Variants in USH2A observed in about 807,000 individuals in gnomAD.
The protein encoded by USH2A is Usher syndrome 2A (autosomal recessive, mild).
USH2A carries 443 observed loss-of-function variants against 538.9 expected under a neutral mutation model. The ratio of observed to expected loss-of-function variants is 0.82; its 90% confidence interval spans 0.76 to 0.89. The LOEUF (loss-of-function observed/expected upper bound fraction) is 0.89, where lower values mean the gene tolerates loss of function less well. USH2A is among the 40% of genes least tolerant of loss of function. The pLI, the probability that USH2A is intolerant of heterozygous loss-of-function variation, is 0.00. For synonymous variants in USH2A, 2,413 were observed against 2,273.5 expected, an observed-to-expected ratio of 1.06 and a Z score of -1.75; for missense variants, 6,633 against 6,324.8, an observed-to-expected ratio of 1.05 and a Z score of -1.65.
At chr1:216,147,764 G>A (rs1214086786) in intron 21 of USH2A, among the ~76,000 whole-genome samples, 6 of 150,598 alleles carry the variant, frequency 4.0e-5, no homozygotes, top group East Asian at 2.0e-4. Flanking sequence ...ACTTCCAAAC[G>A]CCTGAACCGC....
chr1:216,038,816 T>C lies in USH2A; in HGVS notation c.6325+7615A>G, dbSNP rs1293993243. 2.0e-5 allele frequency among the ~76,000 whole-genome samples: 3 copies of C among 152,078 alleles called. No individual in the cohort carries two copies. In the East Asian group the frequency reaches 5.8e-4, roughly 29 times the overall value. On this transcript the variant is annotated intron_variant, in intron 32 of 71. Transcript: ENST00000307340. Reference sequence around the variant, plus strand: ...GAAAATAACAGGACACCTCTATTTGTAACACTTTCAACTGAAGGACATATT... The same window carrying C: ...GAAAATAACAGGACACCTCTATTTGCAACACTTTCAACTGAAGGACATATT...
At chr1:215,877,333 C>T (rs895133782) in intron 43 of USH2A, among the ~76,000 whole-genome samples, 4 of 152,144 alleles carry the variant, frequency 2.6e-5, no homozygotes, top group East Asian at 1.9e-4. Flanking sequence ...TTTTCTTTTG[C>T]GGACTGAATC....
chr1:216,145,757 C>T (rs905328847), intron 21 of USH2A, among the ~76,000 whole-genome samples: 2 of 152,150 alleles, frequency 1.3e-5, no homozygotes, highest in African/African-American at 4.8e-5. Flanking sequence ...GTGTAAATGG[C>T]CAGTCCTTGC....
chr1:216,403,988 C>T (rs1168415744), intron 3 of USH2A, among the ~76,000 whole-genome samples: 2 of 152,150 alleles, frequency 1.3e-5, no homozygotes, highest in African/African-American at 4.8e-5. Context: ...CACCTTCCAC[C>T]ATGATTGTAA....
chr1:216,174,860 G>GT, intron 21 of USH2A: 1 of 1,037,736 alleles, frequency 9.6e-7, no homozygotes, highest in Non-Finnish European at 1.2e-6. Flanking sequence ...GCTTTTTGGA[G>GT]TTTCAGTAAC....
At chr1:215,967,748 C>CAAAA (rs112172077) in intron 36 of USH2A, among the ~76,000 whole-genome samples, 5,722 of 143,952 alleles carry the variant, frequency 0.04, 108 homozygotes, top group Middle Eastern at 0.05. Flanking sequence ...TGCTTCTTTG[C>CAAAA]AAAAAAAAAA....
intron 4 of USH2A, among the ~76,000 whole-genome samples, chr1:216,330,285 T>C (rs1007777803): frequency 6.6e-6 from 1 of 152,094 alleles, no homozygotes; most frequent in Admixed American, 6.6e-5. Context: ...TAGATAAACA[T>C]AATGAATGAG....
chr1:216,237,106 G>A (rs566532694), intron 13 of USH2A, among the ~76,000 whole-genome samples: 1 of 152,190 alleles, frequency 6.6e-6, no homozygotes, highest in South Asian at 2.1e-4. Flanking sequence ...CCTGTCTCCT[G>A]TGCCATTCCA....
At chr1:216,233,206 C>T (rs75074731) in intron 13 of USH2A, among the ~76,000 whole-genome samples, 2,564 of 152,188 alleles carry the variant, frequency 0.017, 72 homozygotes, top group African/African-American at 0.06. Flanking sequence ...TAGCTCATGG[C>T]TCATCCCCCC....
chr1:216,413,540 A>G (rs1469572223), intron 3 of USH2A, among the ~76,000 whole-genome samples: 1 of 152,086 alleles, frequency 6.6e-6, no homozygotes, highest in African/African-American at 2.4e-5. Context: ...TCTTAGATTG[A>G]ATACATAAAT....
chr1:215,797,198 G>A (rs904659285), intron 50 of USH2A, among the ~76,000 whole-genome samples: 1 of 152,212 alleles, frequency 6.6e-6, no homozygotes, highest in African/African-American at 2.4e-5. Flanking sequence ...TGAGAGAGAT[G>A]AGGAAGCTGC....
At chr1:215,995,315 G>A (rs1005122631) in intron 34 of USH2A, among the ~76,000 whole-genome samples, 2 of 152,096 alleles carry the variant, frequency 1.3e-5, no homozygotes, top group Admixed American at 1.3e-4. Flanking sequence ...AGAATGTAAG[G>A]CATTTATGAA....
intron 11 of USH2A, among the ~76,000 whole-genome samples, chr1:216,273,394 C>A (rs1291344724): frequency 6.6e-6 from 1 of 151,918 alleles, no homozygotes; most frequent in Non-Finnish European, 1.5e-5. Context: ...GAGGAGAAAT[C>A]ATTGAGAGTG....
At chr1:215,976,332 G>T (rs994480382) in intron 35 of USH2A, among the ~76,000 whole-genome samples, 8 of 152,092 alleles carry the variant, frequency 5.3e-5, no homozygotes, top group African/African-American at 1.9e-4. Context: ...CTCTGGCAAG[G>T]ACTTCCAGAA....
intron 38 of USH2A, among the ~76,000 whole-genome samples, chr1:215,905,470 T>C (rs1571799909): frequency 6.6e-6 from 1 of 152,032 alleles, no homozygotes; most frequent in Non-Finnish European, 1.5e-5. Context: ...GCAGAATAGG[T>C]AGAAGGCGGA....
chr1:215,759,798 A>G lies in USH2A; in HGVS notation c.11093T>C (p.Val3698Ala). The G allele has an allele frequency of 6.2e-7, 1 of 1,614,012 alleles. No homozygotes were observed. Residue 3698 changes from valine (V) to alanine (A), a missense_variant, in exon 57 of 72, where the codon GTG (valine) becomes GCG (alanine). Physicochemically the swap from Val to Ala is moderately conservative, Grantham distance 64. Coordinates refer to ENST00000307340, the MANE Select transcript of USH2A (RefSeq NM_206933.4). ...TTCTGGCAGACTCCAATATAATTCC[A>G]CTGTTGTAGAATTGATGATAATGTG... ...PRHIIINSTTVELYWSLPEKP... is the reference protein window; with the variant it reads ...PRHIIINSTTAELYWSLPEKP...
At chr1:216,179,853 T>C (rs1012470446) in intron 20 of USH2A, among the ~76,000 whole-genome samples, 3 of 152,134 alleles carry the variant, frequency 2.0e-5, no homozygotes, top group African/African-American at 7.2e-5. Context: ...TTTAAAGATT[T>C]GTTAATTTAC....
At chr1:216,062,305 A>G (rs954187739) in intron 30 of USH2A, among the ~76,000 whole-genome samples, 1 of 152,186 alleles carries the variant, frequency 6.6e-6, no homozygotes, top group African/African-American at 2.4e-5. Flanking sequence ...AAAAATTGAG[A>G]ATTTCAAGAG....
At chr1:216,091,799 A>G (rs1012128312) in intron 22 of USH2A, among the ~76,000 whole-genome samples, 9 of 152,190 alleles carry the variant, frequency 5.9e-5, no homozygotes, top group African/African-American at 2.2e-4. Context: ...TCTCTTCATA[A>G]TTCAAAATTT....
Sources: allele counts gnomAD v4.1 joint callset (sites outside exome capture counted in the v4.1 genomes callset), GRCh38; gene constraint gnomAD v4.1.1; transcripts MANE v1.5; gene names NCBI Gene and HGNC (gene_info 2026-07-23, HGNC 2026-07-21).